The following SYT1 variants were observed in gnomAD, a reference collection of about 807,000 sequenced individuals.
SYT1 encodes synaptotagmin 1.
A neutral mutation model predicts 44.8 loss-of-function variants in SYT1; 8 were observed. The ratio of observed to expected loss-of-function variants is 0.18; its 90% CI spans 0.10 to 0.32. SYT1 has a LOEUF of 0.32. Ranked by LOEUF, SYT1 falls within the 10% of genes least tolerant of loss-of-function variation. SYT1 has a pLI of 1.00. For missense variants in SYT1, 286 were observed against 509.3 expected (o/e 0.56, Z 4.22); for synonymous variants, 154 against 188.8 (o/e 0.82, Z 1.51).
chr12:79,207,634 A>T (rs1367718378), intron 3 of SYT1, among the ~76,000 whole-genome samples: 1 of 152,238 alleles, frequency 6.6e-6, no homozygotes, highest in Non-Finnish European at 1.5e-5. Flanking sequence ...AGTTTAAAAA[A>T]AGAAAAAAGA....
chr12:79,423,363 T>A (rs1869237646), intron 9 of SYT1, among the ~76,000 whole-genome samples: 2 of 152,158 alleles, frequency 1.3e-5, no homozygotes, highest in South Asian at 4.1e-4. Flanking sequence ...AGAGAGAGAC[T>A]CTATAATCTG....
At chr12:78,962,628 T>A (rs891009359) in intron 1 of SYT1, among the ~76,000 whole-genome samples, 1 of 152,106 alleles carries the variant, frequency 6.6e-6, no homozygotes, top group Admixed American at 6.6e-5. Flanking sequence ...TCATTCGTAA[T>A]CTCTATAGGA....
chr12:79,317,788 C>T (rs538638975), intron 8 of SYT1, among the ~76,000 whole-genome samples: 108 of 152,148 alleles, frequency 7.1e-4, no homozygotes, highest in Non-Finnish European at 1.5e-3. Flanking sequence ...AGCAGTGCAC[C>T]GCAGTGAGAG....
chr12:79,170,026 T>A (rs1424510842), intron 3 of SYT1, among the ~76,000 whole-genome samples: 2 of 152,106 alleles, frequency 1.3e-5, no homozygotes, highest in Non-Finnish European at 2.9e-5. Context: ...AAGGACATGA[T>A]CTCATTCTTT....
chr12:79,231,592 T>A (rs1053997950), intron 4 of SYT1, among the ~76,000 whole-genome samples: 2 of 152,102 alleles, frequency 1.3e-5, no homozygotes, highest in Non-Finnish European at 2.9e-5. Context: ...CCATAAAAAC[T>A]CAGAAAAGAG....
At chr12:78,890,403 C>T (rs1008630405) in intron 1 of SYT1, among the ~76,000 whole-genome samples, 5 of 151,668 alleles carry the variant, frequency 3.3e-5, no homozygotes, top group Middle Eastern at 3.4e-3. Context: ...GTGACGGGAG[C>T]GGGGAAGGAT....
At chr12:79,191,228 C>T (rs1526968) in intron 3 of SYT1, among the ~76,000 whole-genome samples, 115,672 of 151,952 alleles carry the variant, frequency 0.76, 44,913 homozygotes, top group African/African-American at 0.91. Context: ...ACTATACCAA[C>T]GTAACTACAT....
intron 1 of SYT1, among the ~76,000 whole-genome samples, chr12:78,877,556 T>C (rs1180308599): frequency 6.6e-6 from 1 of 151,804 alleles, no homozygotes; most frequent in Non-Finnish European, 1.5e-5. Flanking sequence ...TTCTATGAAA[T>C]ATTACTTGTT....
intron 4 of SYT1, among the ~76,000 whole-genome samples, chr12:79,226,662 G>T (rs1224407073): frequency 1.3e-5 from 2 of 151,974 alleles, no homozygotes; most frequent in Non-Finnish European, 2.9e-5. Context: ...AGAAAACACT[G>T]CATCATAAAT....
intron 1 of SYT1, among the ~76,000 whole-genome samples, chr12:78,883,755 T>C (rs976380171): frequency 1.2e-4 from 18 of 151,702 alleles, no homozygotes; most frequent in Non-Finnish European, 2.4e-4. Flanking sequence ...TCTCCACCTT[T>C]TCTTCTTTCT....
At chr12:79,207,568 AT>A (rs1294217950) in intron 3 of SYT1, among the ~76,000 whole-genome samples, 1 of 152,068 alleles carries the variant, frequency 6.6e-6, no homozygotes, top group Non-Finnish European at 1.5e-5. Context: ...CCCTGTGTCC[AT>A]GTGTACTCAT....
At position 78,927,723 on chromosome 12, in the gene SYT1, T is replaced by C. The variant is rs147245824; in HGVS notation, c.-216-50076T>C. ...TTATTGCAATAAGATTTCCAGTAGA[T>C]ATCAGGATAATTTAAGGCTTCCGTT... On this transcript the variant is annotated intron_variant, in intron 1 of 10. Transcript: ENST00000261205. Among the ~76,000 whole-genome samples, 1,100 of 152,262 alleles carry C rather than the reference T, an allele frequency of 7.2e-3. 14 individuals carry two copies. The highest frequency in any genetic ancestry group is 0.025 in the African/African-American group (1,042 of 41,558).
intron 3 of SYT1, among the ~76,000 whole-genome samples, chr12:79,164,435 G>A (rs1871127410): frequency 6.6e-6 from 1 of 152,040 alleles, no homozygotes; most frequent in South Asian, 2.1e-4. Context: ...TAAAAAGTAT[G>A]TGAGTACGAA....
chr12:78,986,998 TTAA>T (rs1192738855), intron 2 of SYT1, among the ~76,000 whole-genome samples: 2 of 152,028 alleles, frequency 1.3e-5, no homozygotes, highest in African/African-American at 4.8e-5. Context: ...AAACTTTCCT[TTAA>T]TAAAGGGCTC....
chr12:79,200,416 T>C (rs941848393), intron 3 of SYT1, among the ~76,000 whole-genome samples: 4 of 152,044 alleles, frequency 2.6e-5, no homozygotes, highest in African/African-American at 7.2e-5. Context: ...CCAGTTCACA[T>C]AGAGGTACTT....
intron 1 of SYT1, among the ~76,000 whole-genome samples, chr12:78,966,893 A>G (rs1217835223): frequency 6.6e-6 from 1 of 152,206 alleles, no homozygotes; most frequent in Admixed American, 6.6e-5. Context: ...ATATGCTGCT[A>G]AACTCTCTTT....
chr12:79,005,549 G>T (rs1386124992), intron 2 of SYT1, among the ~76,000 whole-genome samples: 1 of 151,842 alleles, frequency 6.6e-6, no homozygotes, highest in Non-Finnish European at 1.5e-5. Flanking sequence ...ACACTTAATG[G>T]GATATCTGAG....
At chr12:78,941,381 T>G (rs1878362313) in intron 1 of SYT1, among the ~76,000 whole-genome samples, 1 of 147,268 alleles carries the variant, frequency 6.8e-6, no homozygotes, top group Non-Finnish European at 1.5e-5. Flanking sequence ...CTAGAACATT[T>G]CTTAATAGAA....
intron 8 of SYT1, among the ~76,000 whole-genome samples, chr12:79,332,044 C>T (rs1881879870): frequency 6.6e-6 from 1 of 152,070 alleles, no homozygotes; most frequent in African/African-American, 2.4e-5. Context: ...ATAACATATG[C>T]TGTTAAAAAA....
Sources: allele counts gnomAD v4.1 joint callset (sites outside exome capture counted in the v4.1 genomes callset), GRCh38; gene constraint gnomAD v4.1.1; transcripts MANE v1.5; gene names NCBI Gene and HGNC (gene_info 2026-07-23, HGNC 2026-07-21).